The following FGF12 variants were observed in gnomAD, a reference collection of about 807,000 sequenced individuals.
FGF12 encodes fibroblast growth factor 12.
FGF12 carries 14 observed loss-of-function variants against 23.6 expected under a neutral mutation model. That is an observed-to-expected ratio of 0.59 (90% CI 0.39 to 0.93). The LOEUF (loss-of-function observed/expected upper bound fraction) is 0.93, where lower values mean the gene tolerates loss of function less well. Ranked by LOEUF, FGF12 falls within the 40% of genes least tolerant of loss-of-function variation. FGF12 has a pLI of 0.00. For missense variants in FGF12, 175 were observed against 217.8 expected (o/e 0.80, Z 1.24); for synonymous variants, 62 against 77.3 (o/e 0.80, Z 1.04).
At position 192,360,356 on chromosome 3, in the gene FGF12, G is replaced by T; in HGVS notation, c.124+72C>A. On this transcript the variant is annotated intron_variant, in intron 3 of 5. Coordinates refer to ENST00000445105, the MANE Select transcript of FGF12 (RefSeq NM_004113.6). The surrounding 1 kb of genome is among the most constrained non-coding windows in gnomAD (Gnocchi z 4.3). ...TAGTTTGGTAAGGCAGCTTAGCAAT[G>T]CTTTAAGTATAAGATACACTGGGCC... The T allele has an allele frequency of 9.5e-7, 1 of 1,054,080 alleles. No individual in the cohort carries two copies. Among genetic ancestry groups the T allele is most frequent in the Non-Finnish European group, 1.5e-6 (1 of 676,830 alleles). The allele number at this position is 1,054,080 out of a possible 1,614,324, so 65.3% of individuals were successfully genotyped here.
intron 2 of FGF12, among the ~76,000 whole-genome samples, chr3:192,633,398 C>T (rs545588266): frequency 1.4e-4 from 22 of 152,174 alleles, no homozygotes; most frequent in Admixed American, 1.4e-3. Flanking sequence ...GCTAATATGG[C>T]TTCATCTTAA....
chr3:192,339,343 C>T (rs1717578952), intron 3 of FGF12, among the ~76,000 whole-genome samples: 2 of 152,180 alleles, frequency 1.3e-5, no homozygotes, highest in African/African-American at 4.8e-5. Context: ...ACTGTCCTAA[C>T]TCATAGTAAC....
At chr3:192,312,855 G>A (rs1020525838) in intron 4 of FGF12, among the ~76,000 whole-genome samples, 6 of 151,828 alleles carry the variant, frequency 4.0e-5, no homozygotes, top group East Asian at 1.9e-4. Flanking sequence ...TAGTATTAAC[G>A]TATAGTGTTT....
intron 2 of FGF12, among the ~76,000 whole-genome samples, chr3:192,589,152 T>C (rs1713517256): frequency 6.6e-6 from 1 of 151,780 alleles, no homozygotes. Flanking sequence ...CTGGCCAACA[T>C]AGTGAAACCC....
rs1010347407 is a variant in FGF12 at position 192,639,582 on chromosome 3, C to T, written c.13+87599G>A. 5.9e-5 allele frequency among the ~76,000 whole-genome samples: 9 copies of T among 152,134 alleles called. No individual in the cohort carries two copies. The East Asian group carries it at 1.2e-3, about 20-fold the overall frequency. On this transcript the variant is annotated intron_variant, in intron 2 of 5. Coordinates refer to ENST00000445105, the MANE Select transcript of FGF12 (RefSeq NM_004113.6). ...CATCATCAACAAATAGATAAGGAAA[C>T]GGTGGTATACACAGTCTGCCCTCCA...
chr3:192,598,361 C>A (rs1431518104), intron 2 of FGF12, among the ~76,000 whole-genome samples: 1 of 152,186 alleles, frequency 6.6e-6, no homozygotes, highest in Non-Finnish European at 1.5e-5. Flanking sequence ...CACTATCTGC[C>A]TTACTAGCTG....
At chr3:192,382,916 G>A (rs1476858526) in intron 2 of FGF12, among the ~76,000 whole-genome samples, 1 of 152,188 alleles carries the variant, frequency 6.6e-6, no homozygotes, top group African/African-American at 2.4e-5. Flanking sequence ...CTGATAACGA[G>A]AGAACAGATA....
chr3:192,460,863 C>T (rs1246233873), intron 2 of FGF12, among the ~76,000 whole-genome samples: 1 of 152,060 alleles, frequency 6.6e-6, no homozygotes, highest in Non-Finnish European at 1.5e-5. Flanking sequence ...ATCACTTTAA[C>T]TGAACTGGAG....
intron 2 of FGF12, among the ~76,000 whole-genome samples, chr3:192,634,841 T>G (rs780835252): frequency 2.6e-5 from 4 of 152,058 alleles, no homozygotes; most frequent in Non-Finnish European, 5.9e-5. Context: ...TAGGTATAAG[T>G]TCACAATAGG....
intron 2 of FGF12, among the ~76,000 whole-genome samples, chr3:192,605,537 TAAC>T (rs1454686593): frequency 6.6e-6 from 1 of 152,056 alleles, no homozygotes; most frequent in Non-Finnish European, 1.5e-5. Flanking sequence ...GCAAAACAAC[TAAC>T]AACAGAGTAA....
intron 2 of FGF12, among the ~76,000 whole-genome samples, chr3:192,664,107 G>A (rs1716766225): frequency 6.6e-6 from 1 of 152,128 alleles, no homozygotes; most frequent in African/African-American, 2.4e-5. Flanking sequence ...GGAAGTGGTT[G>A]GAATTATGAA....
chr3:192,148,805 G>A (rs564533525), intron 5 of FGF12, among the ~76,000 whole-genome samples: 4 of 152,104 alleles, frequency 2.6e-5, no homozygotes, highest in Non-Finnish European at 5.9e-5. Context: ...TAACTGAGGA[G>A]GTACAGGGCG....
chr3:192,416,536 G>C (rs1418785863), intron 2 of FGF12, among the ~76,000 whole-genome samples: 1 of 152,012 alleles, frequency 6.6e-6, no homozygotes, highest in Non-Finnish European at 1.5e-5. Context: ...GCAGATGAGT[G>C]GACAGATGTT....
At chr3:192,538,680 G>A (rs1241988160) in intron 2 of FGF12, among the ~76,000 whole-genome samples, 2 of 152,098 alleles carry the variant, frequency 1.3e-5, no homozygotes, top group Admixed American at 1.3e-4. Context: ...AGAATAGAAT[G>A]TCATTGGTAT....
chr3:192,538,467 C>G (rs1725287907), intron 2 of FGF12, among the ~76,000 whole-genome samples: 1 of 152,062 alleles, frequency 6.6e-6, no homozygotes. Flanking sequence ...TCATTCTGTT[C>G]CATTGGTCTA....
Position 192,140,830 on chromosome 3 carries a change from T to G in FGF12, c.*3179A>C, listed in dbSNP as rs186486990. ...CAAAACGATTACTATGAGAATAGGA[T>G]GGCTTGCTGCCCTCCAATTTGCGGA... is the stretch of plus-strand genomic sequence containing the variant. On this transcript the variant is annotated 3_prime_UTR_variant, in exon 6 of 6. Transcript: ENST00000445105. 7 of 151,938 alleles carry G rather than the reference T, an allele frequency of 4.6e-5. No individual in the cohort carries two copies. Among genetic ancestry groups the G allele is most frequent in the African/African-American group, 1.7e-4 (7 of 41,404 alleles). The allele number at this position is 151,938 out of a possible 1,614,324, so 9.4% of individuals were successfully genotyped here.
At chr3:192,614,745 T>G (rs1489071441) in intron 2 of FGF12, among the ~76,000 whole-genome samples, 1 of 151,974 alleles carries the variant, frequency 6.6e-6, no homozygotes, top group Non-Finnish European at 1.5e-5. Flanking sequence ...AGACAGAGTT[T>G]CAGGTAACTG....
intron 4 of FGF12, among the ~76,000 whole-genome samples, chr3:192,285,309 C>T (rs1714387895): frequency 6.6e-6 from 1 of 151,956 alleles, no homozygotes; most frequent in East Asian, 1.9e-4. Context: ...TTCTAATTGG[C>T]CAAGCCAGTA....
intron 4 of FGF12, among the ~76,000 whole-genome samples, chr3:192,194,469 G>A (rs1203134505): frequency 6.6e-6 from 1 of 152,122 alleles, no homozygotes; most frequent in African/African-American, 2.4e-5. Context: ...TAATACCATA[G>A]AGCTATACAT....
Sources: allele counts gnomAD v4.1 joint callset (sites outside exome capture counted in the v4.1 genomes callset), GRCh38; gene constraint gnomAD v4.1.1; non-coding constraint Gnocchi (gnomAD v3.1); transcripts MANE v1.5; gene names NCBI Gene and HGNC (gene_info 2026-07-23, HGNC 2026-07-21).